PCDHA8: variants seen among roughly 807,000 people sequenced by gnomAD.
The protein encoded by PCDHA8 is protocadherin alpha 8.
A neutral mutation model predicts 61.8 loss-of-function variants in PCDHA8; 53 were observed. The observed-to-expected ratio is 0.86, with a 90% CI of 0.69 to 1.08. PCDHA8 has a LOEUF of 1.08. Among genes scored for constraint, PCDHA8 ranks in the 50% least tolerant of loss-of-function variants. The pLI is 0.00. For synonymous variants in PCDHA8, 618 were observed against 556.6 expected, an observed-to-expected ratio of 1.11 and a Z score of -1.55; for missense variants, 1,293 against 1,245.0, an observed-to-expected ratio of 1.04 and a Z score of -0.58.
At chr5:140,933,265 A>G (rs2088994304) in intron 1 of PCDHA8, among the ~76,000 whole-genome samples, 1 of 152,000 alleles carries the variant, frequency 6.6e-6, no homozygotes, top group East Asian at 1.9e-4. Context: ...AGGTTATTAT[A>G]TATTCATTTG....
rs571779587 is a variant in PCDHA8 at position 140,961,550 on chromosome 5, C to CT, written c.2395-17392dup. 1.8e-3 allele frequency among the ~76,000 whole-genome samples: 273 copies of CT among 152,148 alleles called. 1 individual carries two copies. Among genetic ancestry groups the CT allele is most frequent in the Middle Eastern group, 3.4e-3 (1 of 294 alleles). ...TAGATAGACTGTTCCTGCAGCATTT[C>CT]TTTTTTTAAATTTTGTTTTGATAAG... On this transcript the variant is annotated intron_variant, in intron 1 of 3. Transcript: ENST00000531613.
intron 1 of PCDHA8, among the ~76,000 whole-genome samples, chr5:140,942,058 C>T (rs2093224752): frequency 6.6e-6 from 1 of 152,040 alleles, no homozygotes; most frequent in Non-Finnish European, 1.5e-5. Flanking sequence ...GAAATGTTTG[C>T]TAATTGAGCC....
intron 1 of PCDHA8, among the ~76,000 whole-genome samples, chr5:140,916,262 G>A: frequency 6.6e-6 from 1 of 152,202 alleles, no homozygotes; most frequent in East Asian, 1.9e-4. Flanking sequence ...GACCCCAAGA[G>A]CATGCTTGTT....
chr5:140,927,445 T>C (rs2084204838), intron 1 of PCDHA8: 1 of 1,613,580 alleles, frequency 6.2e-7, no homozygotes, highest in Non-Finnish European at 8.5e-7. Context: ...ATACCCGGAG[T>C]TGGTGTTGGA....
chr5:140,888,628 T>C (rs2061913275), intron 1 of PCDHA8, among the ~76,000 whole-genome samples: 1 of 152,242 alleles, frequency 6.6e-6, no homozygotes, highest in Admixed American at 6.5e-5. Flanking sequence ...TTCGGCCTTC[T>C]ATTACAGCAA....
At chr5:140,886,631 G>T (rs1314948402) in intron 1 of PCDHA8, among the ~76,000 whole-genome samples, 1 of 151,860 alleles carries the variant, frequency 6.6e-6, no homozygotes. Context: ...TCCGAGACCA[G>T]CCTGGCCAAC....
At chr5:140,884,141 G>C in intron 1 of PCDHA8, 1 of 1,613,422 alleles carries the variant, frequency 6.2e-7, no homozygotes, top group South Asian at 1.1e-5. Flanking sequence ...GTTCCGCGTG[G>C]GGCTGTACAC....
At position 140,850,115 on chromosome 5, in the gene PCDHA8, G is replaced by T. The variant is rs2150468444; in HGVS notation, c.2394+6400G>T. 1.3e-5 allele frequency: 21 copies of T among 1,595,978 alleles called. 2 individuals are homozygous for T. The highest frequency in any genetic ancestry group is 2.2e-5 in the South Asian group (2 of 90,490). ...AGTTCCAGGTGAGCGCGCGCGACGC[G>T]GGCGTGCCGCCTCTGGGCAGCAACG... On this transcript the variant is annotated intron_variant, in intron 1 of 3. Coordinates refer to ENST00000531613, the MANE Select transcript of PCDHA8 (RefSeq NM_018911.3).
At chr5:140,916,929 G>A (rs2077785456) in intron 1 of PCDHA8, among the ~76,000 whole-genome samples, 1 of 152,214 alleles carries the variant, frequency 6.6e-6, no homozygotes, top group African/African-American at 2.4e-5. Context: ...GAGCACTTAA[G>A]CATATAGTGG....
chr5:140,955,001 A>G (rs551398126), intron 1 of PCDHA8, among the ~76,000 whole-genome samples: 101 of 152,200 alleles, frequency 6.6e-4, no homozygotes, highest in Middle Eastern at 6.8e-3. Flanking sequence ...TGGCTAGCCA[A>G]TTCTCCCAGC....
At chr5:140,847,990 T>C (rs1781276116) in intron 1 of PCDHA8, 1 of 156,442 alleles carries the variant, frequency 6.4e-6, no homozygotes, top group South Asian at 1.8e-4. Flanking sequence ...AGATTCTGAA[T>C]TCCAGAACAA....
chr5:140,967,966 G>A, intron 1 of PCDHA8: 1 of 1,614,214 alleles, frequency 6.2e-7, no homozygotes, highest in African/African-American at 1.3e-5. Context: ...ACCGGAAAGT[G>A]AGCCTGGGTC....
chr5:140,992,823 T>A (rs1261484178), intron 3 of PCDHA8, among the ~76,000 whole-genome samples: 1 of 152,140 alleles, frequency 6.6e-6, no homozygotes, highest in Non-Finnish European at 1.5e-5. Flanking sequence ...ATGTGTTTGT[T>A]TTTTGGGAAC....
intron 1 of PCDHA8, among the ~76,000 whole-genome samples, chr5:140,920,841 T>TAAA (rs781921146): frequency 2.7e-5 from 3 of 109,230 alleles, no homozygotes; most frequent in East Asian, 2.6e-4. Context: ...AGACCAAATC[T>TAAA]AAAAAAAAAA....
intron 1 of PCDHA8, among the ~76,000 whole-genome samples, chr5:140,977,466 T>A (rs1554238584): frequency 2.0e-5 from 3 of 152,246 alleles, no homozygotes; most frequent in African/African-American, 4.8e-5. Context: ...ATTTGGTCTG[T>A]AGATAATTTT....
chr5:140,950,917 A>G (rs1270492994), intron 1 of PCDHA8, among the ~76,000 whole-genome samples: 10 of 151,524 alleles, frequency 6.6e-5, no homozygotes, highest in African/African-American at 2.4e-4. Context: ...ATTTTATTTC[A>G]GTTCTTTTTC....
chr5:140,911,405 C>T (rs565928237), intron 1 of PCDHA8, among the ~76,000 whole-genome samples: 45 of 152,276 alleles, frequency 3.0e-4, no homozygotes, highest in South Asian at 1.5e-3. Flanking sequence ...AGGTCAGCCA[C>T]TGGTATGATA....
At chr5:140,848,698 CCAAAGG>C (rs2040558195) in intron 1 of PCDHA8, 1 of 1,592,180 alleles carries the variant, frequency 6.3e-7, no homozygotes, top group African/African-American at 1.3e-5. Context: ...CAGTTGGATT[CCAAAGG>C]CCGCGGGGAC....
intron 1 of PCDHA8, chr5:140,852,270 CAT>C (rs1193934371): frequency 1.4e-5 from 7 of 503,434 alleles, no homozygotes; most frequent in South Asian, 1.7e-4. Context: ...TACAATATTA[CAT>C]GTTTTTTGTC....
Sources: allele counts gnomAD v4.1 joint callset (sites outside exome capture counted in the v4.1 genomes callset), GRCh38; gene constraint gnomAD v4.1.1; transcripts MANE v1.5; gene names NCBI Gene and HGNC (gene_info 2026-07-23, HGNC 2026-07-21).